CEP128: variants seen among roughly 807,000 people sequenced by gnomAD.
The protein encoded by CEP128 is centrosomal protein 128kDa.
Under a neutral mutation model 156.7 loss-of-function variants are expected in CEP128, and 132 were observed. The observed-to-expected ratio is 0.84, with a 90% CI of 0.73 to 0.97. The LOEUF is 0.97. Among genes scored for constraint, CEP128 ranks in the 50% least tolerant of loss-of-function variants. The pLI, the probability that CEP128 is intolerant of heterozygous loss-of-function variation, is 0.00. For synonymous variants in CEP128, 469 were observed against 448.9 expected (o/e 1.04, Z -0.57); for missense variants, 1,252 against 1,281.9 (o/e 0.98, Z 0.36).
chr14:80,574,829 A>G (rs1306220891), intron 20 of CEP128, among the ~76,000 whole-genome samples: 1 of 152,114 alleles, frequency 6.6e-6, no homozygotes, highest in African/African-American at 2.4e-5. Flanking sequence ...TATTGAGGTG[A>G]CAAAAACAAA....
In CEP128 at chr14:80,724,072, T is replaced by C. The variant is rs1041028243; in HGVS notation, c.2806+19003A>G. Among the ~76,000 whole-genome samples the C allele has an allele frequency of 3.3e-5, 5 of 152,266 alleles. No homozygotes were observed. In the East Asian group the frequency reaches 7.7e-4, roughly 23 times the overall value. On this transcript the variant is annotated intron_variant, in intron 19 of 24. Transcript: ENST00000555265. The stretch of plus-strand genomic sequence containing the variant: ...ACCATAACAAACCAGACAAGCCTTA[T>C]GGAGATTGGGTACTGTTATTGGTTC...
intron 21 of CEP128, among the ~76,000 whole-genome samples, chr14:80,544,081 A>C (rs1024817319): frequency 1.3e-5 from 2 of 152,216 alleles, no homozygotes; most frequent in African/African-American, 4.8e-5. Context: ...ACTATGTGCA[A>C]ATCAAATCTA....
chr14:80,541,459 AAAAAAAC>A (rs1298790493), intron 21 of CEP128, among the ~76,000 whole-genome samples: 2 of 150,450 alleles, frequency 1.3e-5, no homozygotes, highest in Non-Finnish European at 2.9e-5. Flanking sequence ...AAAAAAAAAA[AAAAAAAC>A]CAGGAAAAAA....
intron 20 of CEP128, among the ~76,000 whole-genome samples, chr14:80,570,085 C>T (rs1209905420): frequency 1.3e-5 from 2 of 152,054 alleles, no homozygotes; most frequent in Non-Finnish European, 2.9e-5. Flanking sequence ...AGTTTAATTG[C>T]CAAAACTGCA....
intron 14 of CEP128, among the ~76,000 whole-genome samples, chr14:80,482,847 G>C (rs148036596): frequency 3.4e-4 from 52 of 152,308 alleles, no homozygotes; most frequent in African/African-American, 1.2e-3. Flanking sequence ...TTTTATAGCA[G>C]ACGCTTAGCC....
chr14:80,584,103 C>T (rs1041572777), intron 19 of CEP128, among the ~76,000 whole-genome samples: 38 of 151,614 alleles, frequency 2.5e-4, no homozygotes, highest in Admixed American at 1.2e-3. Context: ...ATTCTTCTGA[C>T]CTGCTTTAAA....
At chr14:80,768,143 T>A (rs943184811) in intron 16 of CEP128, among the ~76,000 whole-genome samples, 1 of 152,004 alleles carries the variant, frequency 6.6e-6, no homozygotes, top group Non-Finnish European at 1.5e-5. Flanking sequence ...AAGAAAAAAA[T>A]TTTAATCTCT....
intron 12 of CEP128, among the ~76,000 whole-genome samples, chr14:80,834,515 A>G (rs1394991136): frequency 1.3e-5 from 2 of 152,188 alleles, no homozygotes; most frequent in Non-Finnish European, 2.9e-5. Flanking sequence ...TCTTTAAATA[A>G]TCTAAGTATT....
chr14:80,492,348 C>A (rs1887352851), downstream of CEP128, among the ~76,000 whole-genome samples: 1 of 152,162 alleles, frequency 6.6e-6, no homozygotes, highest in Admixed American at 6.5e-5. Flanking sequence ...CCAGGTCACA[C>A]CTTAAGAAAA....
At chr14:80,639,313 G>C (rs1233575502) in intron 19 of CEP128, among the ~76,000 whole-genome samples, 1 of 152,052 alleles carries the variant, frequency 6.6e-6, no homozygotes, top group Admixed American at 6.5e-5. Flanking sequence ...TTATGCAAAG[G>C]CTAACAAACA....
At chr14:80,686,951 GAGACCTCCAACGAAACTT>G (rs1239594352) in intron 19 of CEP128, among the ~76,000 whole-genome samples, 1 of 152,130 alleles carries the variant, frequency 6.6e-6, no homozygotes, top group Non-Finnish European at 1.5e-5. Flanking sequence ...CAAGTACTTA[GAGACCTCCAACGAAACTT>G]AGACTCCAAC....
chr14:80,648,940 G>A (rs945658002), intron 19 of CEP128, among the ~76,000 whole-genome samples: 7 of 152,160 alleles, frequency 4.6e-5, no homozygotes, highest in African/African-American at 1.4e-4. Flanking sequence ...TATCAACTGG[G>A]TTTCCCTCAC....
chr14:80,764,851 A>C (rs930187239), intron 16 of CEP128, among the ~76,000 whole-genome samples: 2 of 152,208 alleles, frequency 1.3e-5, no homozygotes, highest in Non-Finnish European at 2.9e-5. Context: ...TTCCAGGTAA[A>C]GATTTCTGTT....
At chr14:80,927,810 A>C (rs1284781626) in intron 2 of CEP128, among the ~76,000 whole-genome samples, 1 of 152,226 alleles carries the variant, frequency 6.6e-6, no homozygotes, top group African/African-American at 2.4e-5. Flanking sequence ...ACTGGCCTGA[A>C]GCCTGAACTG....
At chr14:80,712,498 C>T (rs1240100074) in intron 19 of CEP128, among the ~76,000 whole-genome samples, 2 of 152,174 alleles carry the variant, frequency 1.3e-5, no homozygotes, top group African/African-American at 4.8e-5. Context: ...CCTGGAAGGA[C>T]TTGACCTATG....
intron 19 of CEP128, among the ~76,000 whole-genome samples, chr14:80,724,527 G>A (rs575544382): frequency 2.8e-4 from 43 of 152,094 alleles, no homozygotes; most frequent in African/African-American, 1.0e-3. Context: ...TTTTATTTGT[G>A]AAATTCAAGA....
chr14:80,808,285 G>A (rs543606999), intron 13 of CEP128, among the ~76,000 whole-genome samples: 22 of 152,316 alleles, frequency 1.4e-4, no homozygotes, highest in African/African-American at 5.3e-4. Flanking sequence ...TGCCCCACTG[G>A]CAGCATAACC....
At chr14:80,506,856 G>A (rs1471143816) in intron 23 of CEP128, among the ~76,000 whole-genome samples, 1 of 152,110 alleles carries the variant, frequency 6.6e-6, no homozygotes, top group Non-Finnish European at 1.5e-5. Flanking sequence ...GATATAGTTA[G>A]GGTATTTTCC....
At chr14:80,775,906 C>T (rs117908748) in intron 16 of CEP128, among the ~76,000 whole-genome samples, 5,215 of 152,258 alleles carry the variant, frequency 0.034, 114 homozygotes, top group Non-Finnish European at 0.055. Context: ...GATCTCGGCT[C>T]GCTGCGACTT....
Sources: allele counts gnomAD v4.1 joint callset (sites outside exome capture counted in the v4.1 genomes callset), GRCh38; gene constraint gnomAD v4.1.1; transcripts MANE v1.5; gene names NCBI Gene and HGNC (gene_info 2026-07-23, HGNC 2026-07-21).